The following HORMAD2 variants were observed in gnomAD, a reference collection of about 807,000 sequenced individuals.
HORMAD2 encodes HORMA domain containing 2.
In HORMAD2, 45 loss-of-function variants were observed where a neutral mutation model predicts 38.8. The ratio of observed to expected loss-of-function variants is 1.16; its 90% CI spans 0.91 to 1.49. The LOEUF is 1.49. Among genes scored for constraint, HORMAD2 ranks in the 40% most tolerant of loss-of-function variants. HORMAD2 has a pLI of 0.00. For synonymous variants in HORMAD2, 126 were observed against 122.8 expected (o/e 1.03, Z -0.17); for missense variants, 338 against 367.0 (o/e 0.92, Z 0.65).
At chr22:30,200,794 G>A in the HORMAD2 span, among the ~76,000 whole-genome samples, 1 of 150,950 alleles carries the variant, frequency 6.6e-6, no homozygotes, top group Non-Finnish European at 1.5e-5. Context: ...CTGTCAGCCA[G>A]GCTGGAGTGC....
chr22:30,091,958 C>G (rs781288671), intron 1 of HORMAD2, among the ~76,000 whole-genome samples: 3 of 151,970 alleles, frequency 2.0e-5, no homozygotes, highest in Non-Finnish European at 2.9e-5. Flanking sequence ...CTAACTGCAA[C>G]CTCCACCTCC....
At chr22:30,181,827 A>G (rs1367377765), downstream of HORMAD2, among the ~76,000 whole-genome samples, 3 of 152,112 alleles carry the variant, frequency 2.0e-5, no homozygotes, top group African/African-American at 7.2e-5. Context: ...TCAACATTTG[A>G]CTGTTTTTGA....
At chr22:30,175,773 C>T (rs1926417993) in intron 10 of HORMAD2, among the ~76,000 whole-genome samples, 2 of 152,162 alleles carry the variant, frequency 1.3e-5, no homozygotes, top group African/African-American at 4.8e-5. Flanking sequence ...GGCCCCACAA[C>T]TTAACAACCT....
chr22:30,166,798 C>A (rs953632237), intron 10 of HORMAD2, among the ~76,000 whole-genome samples: 2 of 152,060 alleles, frequency 1.3e-5, no homozygotes, highest in Non-Finnish European at 2.9e-5. Flanking sequence ...GCAAGAGAGG[C>A]TTTGTGGATG....
At chr22:30,193,389 C>T in the HORMAD2 span, among the ~76,000 whole-genome samples, 1 of 152,172 alleles carries the variant, frequency 6.6e-6, no homozygotes, top group South Asian at 2.1e-4. Context: ...CTCCCACAAA[C>T]AGCCTGCAGT....
At chr22:30,170,482 A>G (rs1206031239) in intron 10 of HORMAD2, among the ~76,000 whole-genome samples, 1 of 152,202 alleles carries the variant, frequency 6.6e-6, no homozygotes, top group Non-Finnish European at 1.5e-5. Flanking sequence ...ACTTACACTA[A>G]CATAATATTA....
chr22:30,133,930 A>G (rs1923465504), intron 10 of HORMAD2, among the ~76,000 whole-genome samples: 1 of 152,160 alleles, frequency 6.6e-6, no homozygotes, highest in African/African-American at 2.4e-5. Context: ...ATGGATACAG[A>G]GGGATGACTG....
At chr22:30,175,429 G>T (rs1416648716) in intron 10 of HORMAD2, among the ~76,000 whole-genome samples, 1 of 149,072 alleles carries the variant, frequency 6.7e-6, no homozygotes, top group Non-Finnish European at 1.5e-5. Context: ...TCCTCTATCT[G>T]TTTTTTGGAA....
the HORMAD2 span, among the ~76,000 whole-genome samples, chr22:30,201,563 G>A: frequency 6.6e-5 from 10 of 151,924 alleles, no homozygotes; most frequent in Non-Finnish European, 1.0e-4. Context: ...GACTACAGGC[G>A]CCCACCCCCT....
chr22:30,157,471 G>A (rs953739906), intron 10 of HORMAD2, among the ~76,000 whole-genome samples: 15 of 150,248 alleles, frequency 1.0e-4, no homozygotes, highest in African/African-American at 2.9e-4. Flanking sequence ...AACAGTGATG[G>A]AAACTTGCAA....
the HORMAD2 span, among the ~76,000 whole-genome samples, chr22:30,191,393 G>A: frequency 2.6e-5 from 4 of 152,178 alleles, no homozygotes; most frequent in African/African-American, 9.7e-5. Context: ...GGGAGGATGG[G>A]AAGAGGAGGG....
chr22:30,149,629 G>C (rs892768196), intron 10 of HORMAD2, among the ~76,000 whole-genome samples: 8 of 152,082 alleles, frequency 5.3e-5, no homozygotes, highest in Admixed American at 1.3e-4. Flanking sequence ...ATTTCCTTTC[G>C]CCAACTTCCA....
intron 5 of HORMAD2, chr22:30,105,132 C>T (rs1011288783): frequency 4.2e-5 from 7 of 167,098 alleles, no homozygotes; most frequent in Admixed American, 1.9e-4. Context: ...GTGGCCAGGA[C>T]ATTGCGCAGC....
chr22:30,192,476 G>T, the HORMAD2 span, among the ~76,000 whole-genome samples: 1 of 152,110 alleles, frequency 6.6e-6, no homozygotes, highest in Non-Finnish European at 1.5e-5. Context: ...ATGGACCAGT[G>T]TGGCAGGATT....
chr22:30,096,250 T>C lies in HORMAD2; in HGVS notation c.51+2247T>C, dbSNP rs111282348. 5.5e-3 allele frequency among the ~76,000 whole-genome samples: 838 copies of C among 152,292 alleles called. 7 individuals carry two copies. The highest frequency in any genetic ancestry group is 0.019 in the African/African-American group (785 of 41,546). ...AATAATGCTTTTCTGAATACTCTAA[T>C]TCATGTCCTATAGTGAACATATAAG... On this transcript the variant is annotated intron_variant, in intron 2 of 10. Transcript: ENST00000336726.
chr22:30,142,247 C>G (rs1288607193), intron 10 of HORMAD2, among the ~76,000 whole-genome samples: 1 of 152,146 alleles, frequency 6.6e-6, no homozygotes, highest in Non-Finnish European at 1.5e-5. Context: ...CCACTGCACT[C>G]CAGCCTGAGC....
intron 10 of HORMAD2, among the ~76,000 whole-genome samples, chr22:30,139,254 CTA>C (rs3067131): frequency 0.17 from 16,142 of 96,504 alleles, 1,108 homozygotes; most frequent in Middle Eastern, 0.28. Context: ...ATGAACTGTA[CTA>C]TATATATATA....
intron 10 of HORMAD2, among the ~76,000 whole-genome samples, chr22:30,144,387 C>T (rs1421920182): frequency 6.6e-6 from 1 of 152,236 alleles, no homozygotes; most frequent in Non-Finnish European, 1.5e-5. Flanking sequence ...AATGAATCTA[C>T]CAATCTCCTT....
chr22:30,088,118 C>T (rs1011087137), intron 1 of HORMAD2, among the ~76,000 whole-genome samples: 4 of 149,816 alleles, frequency 2.7e-5, no homozygotes, highest in Non-Finnish European at 3.0e-5. Flanking sequence ...TGTACATATA[C>T]ACACACGTAC....
Sources: allele counts gnomAD v4.1 joint callset (sites outside exome capture counted in the v4.1 genomes callset), GRCh38; gene constraint gnomAD v4.1.1; transcripts MANE v1.5; gene names NCBI Gene and HGNC (gene_info 2026-07-23, HGNC 2026-07-21).